The following RB1 variants were observed in gnomAD, a reference collection of about 807,000 sequenced individuals.
RB1 encodes RB transcriptional corepressor 1.
In RB1, 18 loss-of-function variants were observed where a neutral mutation model predicts 135.4. The observed-to-expected ratio is 0.13, with a 90% CI of 0.09 to 0.20. The LOEUF (loss-of-function observed/expected upper bound fraction) is 0.20, where lower values mean the gene tolerates loss of function less well. Among genes scored for constraint, RB1 ranks in the 10% least tolerant of loss-of-function variants. The pLI, the probability that RB1 is intolerant of heterozygous loss-of-function variation, is 1.00. For synonymous variants in RB1, 365 were observed against 373.2 expected (o/e 0.98, Z 0.25); for missense variants, 868 against 1,110.0 (o/e 0.78, Z 3.10).
chr13:48,411,994 CAGTT>C, intron 17 of RB1: 1 of 1,608,204 alleles, frequency 6.2e-7, no homozygotes, highest in Non-Finnish European at 8.5e-7. Flanking sequence ...CCTCCGATCA[CAGTT>C]AACCACACGC....
intron 17 of RB1, among the ~76,000 whole-genome samples, chr13:48,414,331 C>T (rs1017566761): frequency 2.1e-5 from 3 of 143,704 alleles, no homozygotes; most frequent in African/African-American, 5.2e-5. Flanking sequence ...TGGGCGACAG[C>T]GAGACTATCT....
At chr13:48,462,055 A>T (rs1267209691) in intron 20 of RB1, among the ~76,000 whole-genome samples, 1 of 151,504 alleles carries the variant, frequency 6.6e-6, no homozygotes, top group Admixed American at 6.6e-5. Context: ...CTGGTCTCGA[A>T]CTCCTGACCT....
intron 2 of RB1, among the ~76,000 whole-genome samples, chr13:48,325,268 A>G (rs1235695921): frequency 6.6e-6 from 1 of 152,146 alleles, no homozygotes; most frequent in Admixed American, 6.5e-5. Context: ...GCTAAGGATA[A>G]TGGCCTCCAG....
intron 17 of RB1, among the ~76,000 whole-genome samples, chr13:48,419,147 T>A (rs1948964624): frequency 6.6e-6 from 1 of 151,992 alleles, no homozygotes; most frequent in South Asian, 2.1e-4. Context: ...AGTAAAACAC[T>A]CCTCAACAAA....
At chr13:48,403,406 T>C (rs1655410260) in intron 17 of RB1, among the ~76,000 whole-genome samples, 1 of 151,858 alleles carries the variant, frequency 6.6e-6, no homozygotes, top group African/African-American at 2.4e-5. Context: ...AGAAAAACTG[T>C]GGAGGGAAGT....
intron 6 of RB1, among the ~76,000 whole-genome samples, chr13:48,349,530 A>G (rs892509498): frequency 4.6e-5 from 7 of 152,032 alleles, no homozygotes; most frequent in Non-Finnish European, 4.4e-5. Flanking sequence ...ACCAAAAAAC[A>G]TACAATGTAG....
At chr13:48,440,107 T>G (rs571034990) in intron 17 of RB1, among the ~76,000 whole-genome samples, 1 of 152,260 alleles carries the variant, frequency 6.6e-6, no homozygotes, top group Non-Finnish European at 1.5e-5. Context: ...TCTCTCTTTT[T>G]GGGTATATCA....
intron 17 of RB1, among the ~76,000 whole-genome samples, chr13:48,395,099 CAAACAGGGTCTGG>C (rs1948637686): frequency 6.6e-6 from 1 of 152,056 alleles, no homozygotes; most frequent in African/African-American, 2.4e-5. Context: ...TGATACCAGG[CAAACAGGGTCTGG>C]AGTGGACCTC....
At chr13:48,414,829 G>C (rs17071695) in intron 17 of RB1, among the ~76,000 whole-genome samples, 3,647 of 152,044 alleles carry the variant, frequency 0.024, 148 homozygotes, top group African/African-American at 0.083. Context: ...AATTTTGAAG[G>C]GTTGAATATC....
intron 17 of RB1, among the ~76,000 whole-genome samples, chr13:48,403,019 G>A (rs1948707239): frequency 1.3e-5 from 2 of 151,698 alleles, no homozygotes; most frequent in South Asian, 2.1e-4. Flanking sequence ...TGATTCATAG[G>A]TTTTATGTCC....
At chr13:48,430,435 G>A (rs1949117271) in intron 17 of RB1, among the ~76,000 whole-genome samples, 3 of 152,078 alleles carry the variant, frequency 2.0e-5, no homozygotes, top group African/African-American at 7.2e-5. Context: ...AAAAAAATGA[G>A]CACGTTAGAA....
At position 48,412,550 on chromosome 13, in the gene RB1, A is replaced by G. The variant is rs1248904974; in HGVS notation, c.1695+31107A>G. The G allele has an allele frequency of 9.7e-6, 7 of 718,978 alleles. No homozygotes were observed. The African/African-American group carries it at 1.1e-4, about 11-fold the overall frequency. 44.5% of individuals were successfully genotyped at this position (718,978 alleles called of 1,614,324 possible). Reference sequence around the variant, plus strand: ...ATTATCTGGATCTTTGGATGGTTTTATAAATATTTCCTTTTTCTCAGAAAT... The same window carrying G: ...ATTATCTGGATCTTTGGATGGTTTTGTAAATATTTCCTTTTTCTCAGAAAT... On this transcript the variant is annotated intron_variant, in intron 17 of 26. Transcript: ENST00000267163.
At chr13:48,376,892 T>C (rs1248511913) in intron 12 of RB1, 26 bp from the exon 13 acceptor site, 2 of 1,612,734 alleles carry the variant, frequency 1.2e-6, no homozygotes, top group Admixed American at 1.7e-5. Context: ...ATCCTCGACA[T>C]TGATTTCTGT....
chr13:48,473,711 G>C (rs1949486731), intron 24 of RB1, among the ~76,000 whole-genome samples: 1 of 152,104 alleles, frequency 6.6e-6, no homozygotes, highest in Non-Finnish European at 1.5e-5. Context: ...AAATGTGTGA[G>C]ATTTTTTTCT....
intron 24 of RB1, chr13:48,476,434 T>C (rs1013447612): frequency 2.4e-6 from 1 of 414,870 alleles, no homozygotes; most frequent in Non-Finnish European, 4.5e-6. Flanking sequence ...ACTTGCAGAG[T>C]AGGCAGTTGC....
chr13:48,345,757 T>G (rs189570794), intron 4 of RB1, among the ~76,000 whole-genome samples: 3 of 152,298 alleles, frequency 2.0e-5, no homozygotes, highest in African/African-American at 7.2e-5. Flanking sequence ...CATATGTCTG[T>G]TATCATGTTT....
chr13:48,359,538 A>C (rs1952620042), intron 6 of RB1, among the ~76,000 whole-genome samples: 1 of 147,772 alleles, frequency 6.8e-6, no homozygotes. Flanking sequence ...TAATAAATAT[A>C]CTTATAAAAG....
At chr13:48,404,536 GT>G (rs1332040276) in intron 17 of RB1, among the ~76,000 whole-genome samples, 8 of 149,996 alleles carry the variant, frequency 5.3e-5, no homozygotes, top group Admixed American at 1.3e-4. Flanking sequence ...GATACTTTTT[GT>G]TTTTTTTTAA....
In RB1 at chr13:48,452,990, T is replaced by C. The variant is rs1488967061; in HGVS notation, c.1696-3T>C. 6.2e-7 allele frequency: 1 copy of C among 1,612,332 alleles called. No homozygotes were observed. Among genetic ancestry groups the C allele is most frequent in the African/African-American group, 1.3e-5 (1 of 75,026 alleles). On this transcript the variant is annotated splice_polypyrimidine_tract_variant and splice_region_variant and intron_variant, in intron 17 of 26. Transcript: ENST00000267163. The stretch of plus-strand genomic sequence containing the variant: ...GGTTTTAATTTCATCATGTTTCATA[T>C]AGGATTCACCTTTATTTGATCTTAT...
Sources: gnomAD v4.1 joint callset for allele counts (sites outside exome capture counted in the v4.1 genomes callset) on GRCh38, gnomAD v4.1.1 for gene constraint, MANE v1.5 for transcripts, NCBI Gene and HGNC (gene_info 2026-07-23, HGNC 2026-07-21) for gene names.